PNN: variants seen among roughly 807,000 people sequenced by gnomAD.
The protein encoded by PNN is pinin.
Under a neutral mutation model 76.6 loss-of-function variants are expected in PNN, and 38 were observed. The observed-to-expected ratio is 0.50, with a 90% CI of 0.38 to 0.65. PNN has a LOEUF of 0.65. PNN is among the 30% of genes least tolerant of loss of function. PNN has a pLI of 0.00. For missense variants in PNN, 873 were observed against 874.1 expected, an observed-to-expected ratio of 1.00 and a Z score of 0.02; for synonymous variants, 366 against 283.7, an observed-to-expected ratio of 1.29 and a Z score of -2.91.
At chr14:39,175,437 G>C (rs1223988992) in intron 1 of PNN, 45 bp downstream of exon 1, 1 of 1,225,444 alleles carries the variant, frequency 8.2e-7, no homozygotes, top group Non-Finnish European at 1.2e-6. Context: ...CGGAGAGGCA[G>C]CCCTCAGGTC....
chr14:39,177,822 T>G lies in PNN; in HGVS notation c.423-19T>G, dbSNP rs1240664222. ...AAATGGATCCTGTTGACAGTAAATT[T>G]TCTTATTCTGTTCTTTAGGAACCGG... On this transcript the variant is annotated intron_variant, in intron 5 of 8. Transcript: ENST00000216832. 6.3e-7 allele frequency: 1 copy of G among 1,590,480 alleles called. No homozygotes were observed. The highest frequency in any genetic ancestry group is 1.3e-5 in the African/African-American group (1 of 74,460).
intron 1 of PNN, 92 bp from the exon 2 acceptor site, chr14:39,175,986 T>C: frequency 2.8e-6 from 2 of 707,766 alleles, no homozygotes; most frequent in South Asian, 3.2e-5. Context: ...TTTTGTGATT[T>C]TTTCTCCTTA....
chr14:39,176,291 C>T (rs1206601338), intron 2 of PNN, 142 bp downstream of exon 2: 3 of 641,800 alleles, frequency 4.7e-6, no homozygotes, highest in Non-Finnish European at 5.5e-6. Context: ...GACTAGATTT[C>T]TGTATAAATA....
At chr14:39,178,590 T>C (rs1270330110) in intron 6 of PNN, among the ~76,000 whole-genome samples, 1 of 151,868 alleles carries the variant, frequency 6.6e-6, no homozygotes, top group Non-Finnish European at 1.5e-5. Context: ...TTTCTTTTTT[T>C]TTGTAGAGAT....
rs1040521412 is a variant in PNN at position 39,182,438 on chromosome 14, A to G, written c.*575A>G. The G allele has an allele frequency of 6.5e-6, 1 of 152,718 alleles. No homozygotes were observed. Among genetic ancestry groups the G allele is most frequent in the East Asian group, 1.9e-4 (1 of 5,204 alleles). 9.5% of individuals were successfully genotyped at this position (152,718 alleles called of 1,614,324 possible). A position where few individuals can be genotyped will look rare whatever the true frequency, so the allele number is the denominator to read the frequency against. On this transcript the variant is annotated 3_prime_UTR_variant, in exon 9 of 9. Transcript: ENST00000216832. ...TTGAGGGGGAACAGTTCTCTTTAAA[A>G]TCATTTGCTATTTTCTATTCTCCCT...
rs6145305 is a variant in PNN at position 39,175,406 on chromosome 14, GGGAACTC to G, written c.113+25_113+31del. 4,186 of 1,526,546 alleles carry G rather than the reference GGGAACTC, an allele frequency of 2.7e-3. 81 individuals are homozygous for G. In the African/African-American group the frequency reaches 0.048, roughly 17 times the overall value. The allele number at this position is 1,526,546 out of a possible 1,614,324, so 94.6% of individuals were successfully genotyped here. On this transcript the variant is annotated intron_variant, in intron 1 of 8. Coordinates refer to ENST00000216832, the MANE Select transcript of PNN (RefSeq NM_002687.4). ...GAATGACGTGAGGTAAGGGCCTAACGGGAACTCGGAACTCGGAGCTCGGAGAGGCAGC... is the reference window on the plus strand; with the variant it reads ...GAATGACGTGAGGTAAGGGCCTAACGGGAACTCGGAGCTCGGAGAGGCAGC...
At chr14:39,178,059 C>T (rs780685815) in intron 6 of PNN, 143 bp downstream of exon 6, 2 of 651,330 alleles carry the variant, frequency 3.1e-6, no homozygotes, top group Admixed American at 2.7e-5. Context: ...GGTTTAACTT[C>T]TTATAGAACA....
At chr14:39,177,725 G>T (rs536695460) in intron 5 of PNN, 38 bp downstream of exon 5, 2 of 1,508,924 alleles carry the variant, frequency 1.3e-6, no homozygotes, top group Admixed American at 1.7e-5. Flanking sequence ...GTGAAATAAT[G>T]CAGTTATAAG....
rs368303283 is a variant in PNN, at chr14:39,175,442, C to G, written c.113+50C>G. ...ACTCGGAGCTCGGAGAGGCAGCCCT[C>G]AGGTCGGGGTGAATTGGGGGCGGGG... On this transcript the variant is annotated intron_variant, in intron 1 of 8. Transcript: ENST00000216832. The G allele has an allele frequency of 1.7e-5, 20 of 1,171,224 alleles. No individual in the cohort carries two copies. The African/African-American group carries it at 2.9e-4, about 17-fold the overall frequency. The allele number at this position is 1,171,224 out of a possible 1,614,324, so 72.6% of individuals were successfully genotyped here. A position where few individuals can be genotyped will look rare whatever the true frequency, so the allele number is the denominator to read the frequency against.
intron 8 of PNN, 97 bp downstream of exon 8, chr14:39,179,559 A>G: frequency 9.3e-7 from 1 of 1,071,556 alleles, no homozygotes; most frequent in Non-Finnish European, 1.3e-6. Flanking sequence ...TGATTCAGTG[A>G]TTGGTTTGCT....
At chr14:39,177,571 C>A in intron 4 of PNN, 22 bp from the exon 5 acceptor site, 1 of 1,608,656 alleles carries the variant, frequency 6.2e-7, no homozygotes, top group Non-Finnish European at 8.5e-7. Flanking sequence ...AGTTAAATTA[C>A]TGAGATTTTC....
rs1169322375 is a variant in PNN at position 39,180,647 on chromosome 14, C to G, written c.938C>G (p.Ala313Gly). 2 of 1,613,146 alleles carry G rather than the reference C, an allele frequency of 1.2e-6. No individual in the cohort carries two copies. Residue 313 changes from alanine to glycine, a missense_variant, in exon 9 of 9, where the codon GCT becomes GGT. This residue lies in a region of PNN where 712 missense variants were observed against 693.1 expected (regional missense o/e 1.03). Transcript: ENST00000216832. ...GCGGAACAAGAAGAGGGTAAGGTGG[C>G]TCAGCGAGAGGAAGAGTTGGAGGAG... ...QKAEQEEGKV[A>G]QREEELEETG...
intron 8 of PNN, 97 bp downstream of exon 8, chr14:39,179,559 A>T: frequency 9.3e-7 from 1 of 1,071,556 alleles, no homozygotes; most frequent in Non-Finnish European, 1.3e-6. Context: ...TGATTCAGTG[A>T]TTGGTTTGCT....
chr14:39,178,719 A>G (rs1033627580), intron 6 of PNN, among the ~76,000 whole-genome samples: 12 of 132,238 alleles, frequency 9.1e-5, no homozygotes, highest in Non-Finnish European at 1.4e-4. Context: ...ATACCTTTAC[A>G]TAGTGAAAAA....
rs780817551 is a variant in PNN, at chr14:39,181,446, C to T, written c.1737C>T (p.Ser579=). Residue 579 remains serine, a synonymous_variant, in exon 9 of 9, where the codon AGC becomes AGT. Coordinates refer to ENST00000216832, the MANE Select transcript of PNN (RefSeq NM_002687.4). ...GCAAGAGTAGAAGTCGAAGCAGTAG[C>T]AGTAGCAGTTCTAGTAGCAGTTCAA... ...KTSKSRSRSS[S]SSSSSSSSTS... is the part of the protein sequence containing the mutation. The T allele has an allele frequency of 1.4e-5, 22 of 1,613,352 alleles. No individual in the cohort carries two copies. The highest frequency in any genetic ancestry group is 8.9e-5 in the East Asian group (4 of 44,884).
chr14:39,181,520 G>T lies in PNN; in HGVS notation c.1811G>T (p.Arg604Leu). The T allele has an allele frequency of 1.2e-6, 2 of 1,601,060 alleles. No individual in the cohort carries two copies. Among genetic ancestry groups the T allele is most frequent in the South Asian group, 1.1e-5 (1 of 90,066 alleles). Residue 604 changes from arginine to leucine, a missense_variant, in exon 9 of 9, where the codon CGC (arginine) becomes CTC (leucine). This residue lies in a region of PNN where 712 missense variants were observed against 693.1 expected (regional missense o/e 1.03). Transcript: ENST00000216832. ...SSSSSGSSSS[R>L]SSSSSSSSTS... ...TCCAGCAGTGGAAGTAGTAGCAGTCGCAGTAGTTCCAGTAGCAGCTCCAGT... is the reference window on the plus strand; with the variant it reads ...TCCAGCAGTGGAAGTAGTAGCAGTCTCAGTAGTTCCAGTAGCAGCTCCAGT...
At position 39,181,689 on chromosome 14, in the gene PNN, A is replaced by G. The variant is rs2053271387; in HGVS notation, c.1980A>G (p.Leu660=). 1.2e-6 allele frequency: 2 copies of G among 1,613,998 alleles called. No individual in the cohort carries two copies. Among genetic ancestry groups the G allele is most frequent in the African/African-American group, 1.3e-5 (1 of 74,938 alleles). Residue 660 remains leucine (L), a synonymous_variant, in exon 9 of 9, where the codon CTA becomes CTG. Coordinates refer to ENST00000216832, the MANE Select transcript of PNN (RefSeq NM_002687.4). ...VDRKRRDTSG[L]ERSHKSSKGG... ...GGAAGAGAAGGGATACTTCAGGACT[A>G]GAAAGAAGTCACAAATCTTCAAAAG...
At position 39,180,588 on chromosome 14, in the gene PNN, A is replaced by G; in HGVS notation, c.879A>G (p.Lys293=). 4 of 1,614,074 alleles carry G rather than the reference A, an allele frequency of 2.5e-6. No homozygotes were observed. Among genetic ancestry groups the G allele is most frequent in the Non-Finnish European group, 3.4e-6 (4 of 1,179,998 alleles). ...CTAGAAGACAATCAATGAAGGAAAA[A>G]GAGCATCAGGTGGTGCGTAATGAAG... ...ARPRRQSMKE[K]EHQVVRNEEQ... is the part of the protein sequence containing the mutation. The change falls in exon 9 of 9, where the codon AAA becomes AAG. Residue 293 remains lysine (K), a synonymous_variant. Transcript: ENST00000216832.
At position 39,177,442 on chromosome 14, in the gene PNN, A is replaced by C; in HGVS notation, c.285A>C (p.Glu95Asp). Residue 95 changes from glutamate to aspartate, a missense_variant, in exon 4 of 9, where the codon GAA (glutamate) becomes GAC (aspartate). Physicochemically the swap from Glu to Asp is conservative, Grantham distance 45. Around this residue, in one of 3 missense-constraint regions of PNN, gnomAD observed 156 missense variants for 161.7 expected, o/e 0.96. Coordinates refer to ENST00000216832, the MANE Select transcript of PNN (RefSeq NM_002687.4). ...RLGGERRTRR[E>D]SRQESDPEDD... ...GCGGGGAGCGTCGGACCAGAAGAGA[A>C]TCACGCCAGGAAAGCGACCCGGAGG... 6.2e-7 allele frequency: 1 copy of C among 1,614,126 alleles called. No individual in the cohort carries two copies. Among genetic ancestry groups the C allele is most frequent in the Non-Finnish European group, 8.5e-7 (1 of 1,179,988 alleles).
Sources: allele counts gnomAD v4.1 joint callset (sites outside exome capture counted in the v4.1 genomes callset), GRCh38; gene constraint gnomAD v4.1.1; regional missense constraint gnomAD v4.1.1; transcripts MANE v1.5; gene names NCBI Gene and HGNC (gene_info 2026-07-23, HGNC 2026-07-21).